ZBBX: variants seen among roughly 807,000 people sequenced by gnomAD.
ZBBX encodes the protein zinc finger B-box domain-containing protein 1.
A neutral mutation model predicts 108.5 loss-of-function variants in ZBBX; 101 were observed. The ratio of observed to expected loss-of-function variants is 0.93; its 90% CI spans 0.79 to 1.10. The LOEUF is 1.10. ZBBX is among the 50% of genes least tolerant of loss of function. The pLI, the probability that ZBBX is intolerant of heterozygous loss-of-function variation, is 0.00. For missense variants in ZBBX, 1,009 were observed against 941.4 expected, an observed-to-expected ratio of 1.07 and a Z score of -0.94; for synonymous variants, 356 against 323.4, an observed-to-expected ratio of 1.10 and a Z score of -1.08.
At chr3:167,242,968 C>T (rs1167058584) in intron 20 of ZBBX, among the ~76,000 whole-genome samples, 2 of 152,022 alleles carry the variant, frequency 1.3e-5, no homozygotes, top group African/African-American at 4.8e-5. Flanking sequence ...ATTTTGCAGC[C>T]ACTCAACCTG....
At chr3:167,319,883 T>G (rs1387895761) in intron 12 of ZBBX, among the ~76,000 whole-genome samples, 1 of 151,860 alleles carries the variant, frequency 6.6e-6, no homozygotes, top group Non-Finnish European at 1.5e-5. Context: ...AAAGGGAGAA[T>G]GGAAATGAAT....
chr3:167,305,979 A>G, intron 16 of ZBBX, 29 bp from the exon 17 acceptor site: 3 of 1,435,778 alleles, frequency 2.1e-6, no homozygotes, highest in South Asian at 1.6e-5. Context: ...TACAAAAGGT[A>G]CATAAATAAA....
the ZBBX span, among the ~76,000 whole-genome samples, chr3:167,234,080 G>A: frequency 1.3e-5 from 2 of 151,670 alleles, no homozygotes; most frequent in Non-Finnish European, 2.9e-5. Context: ...GAATTCAGTT[G>A]GAAAGCAATT....
Position 167,360,708 on chromosome 3 carries a change from CT to C in ZBBX, c.288del (p.Val97Ter). ...TGTTCCTTCAGCAATTTTAATTTCA[CT>C]TTTCCAGCAGAAAACTGTATTAATA... is the stretch of plus-strand genomic sequence containing the variant. ...KGNVVKFSAG[K>X]VKLKLLKEQI... is the part of the protein sequence containing the mutation. On this transcript the variant is annotated frameshift_variant, in exon 7 of 22. Coordinates refer to ENST00000675490, the MANE Select transcript of ZBBX (RefSeq NM_001199201.2). LOFTEE classifies it high-confidence loss of function. 1 of 1,389,490 alleles carries C rather than the reference CT, an allele frequency of 7.2e-7. No homozygotes were observed. Among genetic ancestry groups the C allele is most frequent in the Non-Finnish European group, 9.4e-7 (1 of 1,060,776 alleles). The allele number at this position is 1,389,490 out of a possible 1,614,324, so 86.1% of individuals were successfully genotyped here. A position where few individuals can be genotyped will look rare whatever the true frequency, so the allele number is the denominator to read the frequency against.
chr3:167,328,184 T>TA, intron 10 of ZBBX, 68 bp from the exon 11 acceptor site: 1 of 1,484,700 alleles, frequency 6.7e-7, no homozygotes, highest in Non-Finnish European at 9.0e-7. Context: ...ATTGTTTTAA[T>TA]AAAAAAATTC....
chr3:167,227,307 C>T, the ZBBX span, among the ~76,000 whole-genome samples: 1 of 151,632 alleles, frequency 6.6e-6, no homozygotes, highest in Non-Finnish European at 1.5e-5. Context: ...TCCAGATACC[C>T]CATTAGTAAG....
the ZBBX span, among the ~76,000 whole-genome samples, chr3:167,210,338 T>C: frequency 1.3e-5 from 2 of 152,056 alleles, no homozygotes; most frequent in Admixed American, 6.5e-5. Flanking sequence ...GAAAACAGAC[T>C]ATTCAAAAAG....
At chr3:167,228,723 AAC>A in the ZBBX span, among the ~76,000 whole-genome samples, 4 of 151,916 alleles carry the variant, frequency 2.6e-5, no homozygotes, top group South Asian at 2.1e-4. Flanking sequence ...ATATTTCTGA[AAC>A]AGTTTAGATA....
chr3:167,179,105 G>A, the ZBBX span, among the ~76,000 whole-genome samples: 3 of 151,856 alleles, frequency 2.0e-5, no homozygotes, highest in African/African-American at 7.3e-5. Flanking sequence ...TTTAACACAG[G>A]CAGAAGACTC....
intron 21 of ZBBX, among the ~76,000 whole-genome samples, chr3:167,241,728 C>A (rs1218313543): frequency 6.6e-6 from 1 of 152,020 alleles, no homozygotes; most frequent in African/African-American, 2.4e-5. Context: ...AATTTTTTTA[C>A]AAGAGAAAGA....
the ZBBX span, among the ~76,000 whole-genome samples, chr3:167,227,748 AT>A: frequency 6.6e-6 from 1 of 151,608 alleles, no homozygotes; most frequent in African/African-American, 2.4e-5. Flanking sequence ...TAAGAAATGG[AT>A]TTCTACCCAG....
At chr3:167,221,479 A>T in the ZBBX span, among the ~76,000 whole-genome samples, 1 of 151,992 alleles carries the variant, frequency 6.6e-6, no homozygotes, top group Non-Finnish European at 1.5e-5. Flanking sequence ...AGAAGAATGA[A>T]ATTAGACTCC....
intron 9 of ZBBX, among the ~76,000 whole-genome samples, chr3:167,334,339 G>A (rs1739191233): frequency 6.6e-6 from 1 of 152,146 alleles, no homozygotes; most frequent in Non-Finnish European, 1.5e-5. Context: ...TTGGGAGGCT[G>A]AGGCTGGCAG....
upstream of ZBBX, chr3:167,380,452 A>G (rs1747625503): frequency 1.3e-5 from 2 of 152,248 alleles, no homozygotes; most frequent in African/African-American, 4.8e-5. Flanking sequence ...AAAGGGCGGA[A>G]AAACTCAACA....
At chr3:167,374,083 C>A (rs368687946) in intron 2 of ZBBX, among the ~76,000 whole-genome samples, 32 of 151,910 alleles carry the variant, frequency 2.1e-4, no homozygotes, top group African/African-American at 7.5e-4. Context: ...TATCCAAGGC[C>A]GTGCAGAGAG....
chr3:167,237,611 T>C (rs778875350), downstream of ZBBX, among the ~76,000 whole-genome samples: 17 of 151,938 alleles, frequency 1.1e-4, 1 homozygote, highest in Non-Finnish European at 2.4e-4. Context: ...CTAATTTTAC[T>C]TAGTTTTTAT....
At chr3:167,289,360 A>G (rs1288475461) in intron 18 of ZBBX, among the ~76,000 whole-genome samples, 3 of 152,296 alleles carry the variant, frequency 2.0e-5, no homozygotes, top group East Asian at 1.9e-4. Context: ...TCCCAGTGAT[A>G]ATGATGTAGA....
At chr3:167,212,510 G>A in the ZBBX span, among the ~76,000 whole-genome samples, 1 of 152,266 alleles carries the variant, frequency 6.6e-6, no homozygotes, top group East Asian at 1.9e-4. Context: ...GTTGACCCAA[G>A]GAGAGGAGGC....
intron 21 of ZBBX, among the ~76,000 whole-genome samples, chr3:167,241,661 C>A (rs755239158): frequency 9.9e-5 from 15 of 152,188 alleles, no homozygotes; most frequent in South Asian, 4.1e-4. Flanking sequence ...AGCAGGATAG[C>A]CTGAGCCCAG....
Sources: allele counts gnomAD v4.1 joint callset (sites outside exome capture counted in the v4.1 genomes callset), GRCh38; gene constraint gnomAD v4.1.1; transcripts MANE v1.5; gene names NCBI Gene and HGNC (gene_info 2026-07-23, HGNC 2026-07-21).